The following ZNF831 variants were observed in gnomAD, a reference collection of about 807,000 sequenced individuals.
The protein encoded by ZNF831 is chromosome 20 open reading frame 174.
ZNF831 carries 59 observed loss-of-function variants against 95.8 expected under a neutral mutation model. The ratio of observed to expected loss-of-function variants is 0.62; its 90% CI spans 0.50 to 0.77. The LOEUF is 0.77. ZNF831 is among the 30% of genes least tolerant of loss of function. The pLI is 0.00. For synonymous variants in ZNF831, 961 were observed against 925.5 expected (o/e 1.04, Z -0.70); for missense variants, 2,205 against 2,164.0 (o/e 1.02, Z -0.38).
Position 59,163,890 on chromosome 20 carries a change from G to A in ZNF831, c.-354G>A, listed in dbSNP as rs763351035. Among the ~76,000 whole-genome samples, 15 of 152,026 alleles carry A rather than the reference G, an allele frequency of 9.9e-5. No homozygotes were observed. The highest frequency in any genetic ancestry group is 1.5e-4 in the Non-Finnish European group (10 of 68,012). ...AATGGTGCTTTTCTCAGTTAAACGT[G>A]GACTTGACATAAAGGCCAAGCCACA... On this transcript the variant is annotated 5_prime_UTR_variant, in exon 1 of 6. Transcript: ENST00000371030.
intron 1 of ZNF831, among the ~76,000 whole-genome samples, chr20:59,173,849 T>C (rs879685423): frequency 6.6e-6 from 1 of 152,034 alleles, no homozygotes; most frequent in Non-Finnish European, 1.5e-5. Flanking sequence ...TTAGTTACAA[T>C]GAAAGAGTGA....
At chr20:59,183,307 G>A (rs1209188933) in intron 1 of ZNF831, among the ~76,000 whole-genome samples, 2 of 152,328 alleles carry the variant, frequency 1.3e-5, no homozygotes, top group Admixed American at 1.3e-4. Context: ...GCCTAGCTGG[G>A]TGCTAGTGGA....
chr20:59,205,931 G>T (rs184901923), intron 3 of ZNF831, among the ~76,000 whole-genome samples: 2 of 152,232 alleles, frequency 1.3e-5, no homozygotes, highest in African/African-American at 4.8e-5. Flanking sequence ...ATGTGTATTT[G>T]TTCATTTACA....
Position 59,192,481 on chromosome 20 carries a change from G to A in ZNF831, c.1462G>A (p.Val488Ile), listed in dbSNP as rs764686333. 3.2e-6 allele frequency: 5 copies of A among 1,580,732 alleles called. No individual in the cohort carries two copies. The highest frequency in any genetic ancestry group is 2.6e-6 in the Non-Finnish European group (3 of 1,164,716). ...DKSRPLFFHS[V>I]PTQLSTTVEC... is the part of the protein sequence containing the mutation. ...GTCTCGGCCCCTCTTCTTCCACTCC[G>A]TCCCCACTCAGCTCTCCACCACCGT... The change falls in exon 2 of 6, where the codon GTC (valine) becomes ATC (isoleucine). Residue 488 changes from valine (V) to isoleucine (I), a missense_variant. Val to Ile is a conservative substitution (Grantham distance 29, BLOSUM62 3). Transcript: ENST00000371030. This position sits in a 1 kb window ranked among gnomAD's most constrained non-coding sequence, Gnocchi z 5.2.
intron 3 of ZNF831, among the ~76,000 whole-genome samples, chr20:59,204,912 G>A (rs1031179044): frequency 2.6e-5 from 4 of 152,234 alleles, no homozygotes; most frequent in Middle Eastern, 3.4e-3. Flanking sequence ...AGAGAGAAAC[G>A]TACCCTGCCC....
chr20:59,211,135 A>G lies in ZNF831; in HGVS notation c.4027+4079A>G, dbSNP rs11906940. Among the ~76,000 whole-genome samples the G allele has an allele frequency of 3.9e-3, 593 of 152,250 alleles. 6 individuals carry two copies. The highest frequency in any genetic ancestry group is 0.014 in the African/African-American group (569 of 41,514). On this transcript the variant is annotated intron_variant, in intron 4 of 5. Coordinates refer to ENST00000371030, the MANE Select transcript of ZNF831 (RefSeq NM_178457.3). ...AGATCTAAGAAACAAGTGGCTTTCC[A>G]TAGCTCAGATTCCTGCTGGGAACAC...
chr20:59,162,801 C>T (rs761935877), upstream of ZNF831, among the ~76,000 whole-genome samples: 5 of 151,978 alleles, frequency 3.3e-5, no homozygotes, highest in Non-Finnish European at 5.9e-5. Context: ...CATATGAATT[C>T]TGGAATAGTT....
intron 1 of ZNF831, among the ~76,000 whole-genome samples, chr20:59,189,745 A>T (rs1346792284): frequency 2.0e-5 from 3 of 152,170 alleles, no homozygotes; most frequent in Non-Finnish European, 2.9e-5. Flanking sequence ...TCCTGACCTC[A>T]GGTGATCCGC....
chr20:59,175,054 C>T (rs189237671), intron 1 of ZNF831, among the ~76,000 whole-genome samples: 1 of 152,260 alleles, frequency 6.6e-6, no homozygotes, highest in East Asian at 1.9e-4. Flanking sequence ...AAATGTGATA[C>T]CCTTTTCTAC....
At chr20:59,187,856 G>A (rs1040389818) in intron 1 of ZNF831, among the ~76,000 whole-genome samples, 6 of 152,168 alleles carry the variant, frequency 3.9e-5, no homozygotes, top group African/African-American at 1.4e-4. Flanking sequence ...GTTTCCGTGA[G>A]TTTGTCTATT....
chr20:59,164,252 TA>T lies in ZNF831; in HGVS notation c.-37+54del, dbSNP rs773299189. On this transcript the variant is annotated intron_variant, in intron 1 of 5. Coordinates refer to ENST00000371030, the MANE Select transcript of ZNF831 (RefSeq NM_178457.3). The stretch of plus-strand genomic sequence containing the variant: ...ACATAAGCATATATAAAATGTCAGT[TA>T]AAAAAAAACTCTTTTACTCTATGTT... Among the ~76,000 whole-genome samples the T allele has an allele frequency of 5.8e-4, 88 of 151,626 alleles. 1 individual carries two copies. The East Asian group carries it at 0.015, about 26-fold the overall frequency.
At chr20:59,138,653 T>C (rs1016607653) in intron 1 of ZNF831, among the ~76,000 whole-genome samples, 1 of 152,244 alleles carries the variant, frequency 6.6e-6, no homozygotes, top group Non-Finnish European at 1.5e-5. Context: ...ACGTGCCATT[T>C]CTGGGCAAAA....
At chr20:59,253,247 T>C (rs1162040660) in intron 5 of ZNF831, 109 bp downstream of exon 5, 9 of 1,250,320 alleles carry the variant, frequency 7.2e-6, no homozygotes, top group African/African-American at 6.0e-5. Flanking sequence ...CGGATCACCT[T>C]ATGAAGATTC....
intron 1 of ZNF831, among the ~76,000 whole-genome samples, chr20:59,132,380 A>T (rs1456338698): frequency 6.6e-6 from 1 of 151,722 alleles, no homozygotes; most frequent in Non-Finnish European, 1.5e-5. Context: ...TGTCAGGAAA[A>T]ATTTTCTAGA....
At chr20:59,171,170 G>A (rs993681375) in intron 1 of ZNF831, among the ~76,000 whole-genome samples, 1 of 152,186 alleles carries the variant, frequency 6.6e-6, no homozygotes, top group East Asian at 1.9e-4. Context: ...GAACTCCATG[G>A]CATGTCCTCA....
chr20:59,141,088 C>T (rs558188822), intron 1 of ZNF831, among the ~76,000 whole-genome samples: 10 of 152,190 alleles, frequency 6.6e-5, no homozygotes, highest in Middle Eastern at 3.4e-3. Flanking sequence ...TTAGTAGAGA[C>T]GAGGTTTCAC....
chr20:59,207,954 A>C (rs1985016689), intron 4 of ZNF831, among the ~76,000 whole-genome samples: 1 of 152,238 alleles, frequency 6.6e-6, no homozygotes, highest in Non-Finnish European at 1.5e-5. Context: ...CCCTACAGGC[A>C]GATGGCACTT....
Position 59,191,433 on chromosome 20 carries a change from G to A in ZNF831, c.414G>A (p.Val138=). 3 of 1,612,790 alleles carry A rather than the reference G, an allele frequency of 1.9e-6. No homozygotes were observed. The highest frequency in any genetic ancestry group is 2.5e-6 in the Non-Finnish European group (3 of 1,179,876). ...LGPTLGSPGK[V]RNAGKYLCPH... ...CCACGCTGGGCAGCCCAGGCAAGGT[G>A]CGGAATGCGGGCAAGTACCTGTGTC... The change falls in exon 2 of 6, where the codon GTG becomes GTA. Residue 138 remains valine (V), a synonymous_variant. Coordinates refer to ENST00000371030, the MANE Select transcript of ZNF831 (RefSeq NM_178457.3).
intron 4 of ZNF831, among the ~76,000 whole-genome samples, chr20:59,211,850 G>A (rs1985358770): frequency 6.6e-6 from 1 of 151,460 alleles, no homozygotes; most frequent in South Asian, 2.1e-4. Context: ...TCTGAGGAGA[G>A]ATGACCTGTT....
Sources: gnomAD v4.1 joint callset for allele counts (sites outside exome capture counted in the v4.1 genomes callset) on GRCh38, gnomAD v4.1.1 for gene constraint, Gnocchi (gnomAD v3.1) non-coding constraint, MANE v1.5 for transcripts, NCBI Gene and HGNC (gene_info 2026-07-23, HGNC 2026-07-21) for gene names.